HIF1A: variants seen among roughly 807,000 people sequenced by gnomAD.
The protein encoded by HIF1A is hypoxia-inducible factor 1-alpha.
Under a neutral mutation model 92.7 loss-of-function variants are expected in HIF1A, and 24 were observed. The observed-to-expected ratio is 0.26, with a 90% CI of 0.19 to 0.36. HIF1A has a LOEUF of 0.36. Among genes scored for constraint, HIF1A ranks in the 10% least tolerant of loss-of-function variants. The probability of loss-of-function intolerance (pLI) is 1.00; values close to 1 mark genes in which losing one functional copy is unlikely to be tolerated. For missense variants in HIF1A, 799 were observed against 998.5 expected (o/e 0.80, Z 2.69); for synonymous variants, 319 against 338.7 (o/e 0.94, Z 0.64).
chr14:61,744,852 T>G (rs955546174), intron 13 of HIF1A, 39 bp downstream of exon 13: 6 of 852,308 alleles, frequency 7.0e-6, no homozygotes, highest in African/African-American at 2.0e-5. Flanking sequence ...CTAGCTAATG[T>G]GCTATTTCGT....
At chr14:61,697,963 A>T in intron 1 of HIF1A, 3 of 1,446,780 alleles carry the variant, frequency 2.1e-6, no homozygotes, top group South Asian at 2.6e-5. Context: ...GGGTATGGTT[A>T]TGATACTGTA....
In HIF1A at chr14:61,734,259, C is replaced by T. The variant is rs756991608; in HGVS notation, c.1002C>T (p.Cys334=). Residue 334 remains cysteine, a synonymous_variant, in exon 8 of 15, where the codon TGC becomes TGT. Coordinates refer to ENST00000337138, the MANE Select transcript of HIF1A (RefSeq NM_001530.4). ...IYNTKNSQPQ[C]IVCVNYVVSG... ...ACACCAAGAATTCTCAACCACAGTG[C>T]ATTGTATGTGTGAATTACGTTGTGA... 1 of 1,611,906 alleles carries T rather than the reference C, an allele frequency of 6.2e-7. No homozygotes were observed. The highest frequency in any genetic ancestry group is 1.1e-5 in the South Asian group (1 of 90,638).
chr14:61,728,175 C>T (rs1017716527), intron 6 of HIF1A, among the ~76,000 whole-genome samples: 1 of 152,198 alleles, frequency 6.6e-6, no homozygotes, highest in East Asian at 1.9e-4. Context: ...TTACTAGGTG[C>T]TATCCAGAAG....
Position 61,745,769 on chromosome 14 carries a change from A to G in HIF1A, c.2281A>G (p.Ser761Gly), listed in dbSNP as rs2044774078. ...GAAACGTGTAAAAGGATGCAAATCT[A>G]GTGAACAGAATGGAATGGAGCAAAA... The part of the protein sequence containing the change: ...SWKRVKGCKS[S>G]EQNGMEQKTI... The change falls in exon 14 of 15, where the codon AGT (serine) becomes GGT (glycine). Residue 761 changes from serine to glycine, a missense_variant. This residue lies in a region of HIF1A where 283 missense variants were observed against 277.5 expected (regional missense o/e 1.02). Transcript: ENST00000337138. The G allele has an allele frequency of 6.2e-7, 1 of 1,612,312 alleles. No homozygotes were observed. The highest frequency in any genetic ancestry group is 1.1e-5 in the South Asian group (1 of 91,048).
intron 1 of HIF1A, among the ~76,000 whole-genome samples, chr14:61,696,096 C>T (rs2140112385): frequency 6.6e-6 from 1 of 152,282 alleles, no homozygotes; most frequent in Admixed American, 6.5e-5. Flanking sequence ...CCTGCTTGCC[C>T]TCCCCGCCGG....
intron 4 of HIF1A, among the ~76,000 whole-genome samples, chr14:61,723,066 A>G (rs1450453031): frequency 6.6e-6 from 1 of 152,250 alleles, no homozygotes; most frequent in Non-Finnish European, 1.5e-5. Flanking sequence ...AAGTTACCAC[A>G]AGGAAAATTT....
At chr14:61,742,430 A>G (rs569774589) in intron 12 of HIF1A, among the ~76,000 whole-genome samples, 1 of 152,102 alleles carries the variant, frequency 6.6e-6, no homozygotes, top group Non-Finnish European at 1.5e-5. Context: ...TGGAAAAGAC[A>G]TTGGGGCTTT....
At chr14:61,705,939 C>T (rs2044235250) in intron 1 of HIF1A, among the ~76,000 whole-genome samples, 1 of 152,088 alleles carries the variant, frequency 6.6e-6, no homozygotes, top group Non-Finnish European at 1.5e-5. Context: ...CTATTGTACA[C>T]CCTTATTTCA....
intron 1 of HIF1A, 133 bp downstream of exon 1, chr14:61,695,972 C>A: frequency 1.3e-6 from 1 of 778,186 alleles, no homozygotes; most frequent in Non-Finnish European, 2.0e-6. Context: ...TGCTGCTCCC[C>A]TCCCCTCTCT....
intron 1 of HIF1A, among the ~76,000 whole-genome samples, chr14:61,696,682 G>T (rs2044120975): frequency 6.6e-6 from 1 of 152,166 alleles, no homozygotes; most frequent in Non-Finnish European, 1.5e-5. Flanking sequence ...TAATGAAAAT[G>T]TAGGGGCTGG....
chr14:61,697,985 G>T, intron 1 of HIF1A: 1 of 1,285,292 alleles, frequency 7.8e-7, no homozygotes, highest in South Asian at 1.5e-5. Context: ...ATTTAACGCA[G>T]GACATTTCAT....
chr14:61,699,005 C>A (rs1280563527), intron 1 of HIF1A: 1 of 152,128 alleles, frequency 6.6e-6, no homozygotes, highest in African/African-American at 2.4e-5. Flanking sequence ...TAAAAATTAA[C>A]CTTTGTAAAA....
chr14:61,708,931 CTT>C (rs1490722954), intron 1 of HIF1A, among the ~76,000 whole-genome samples: 2 of 151,926 alleles, frequency 1.3e-5, no homozygotes, highest in Non-Finnish European at 2.9e-5. Context: ...GAGTTTTGCT[CTT>C]GTTGCCCAGG....
intron 1 of HIF1A, among the ~76,000 whole-genome samples, chr14:61,713,310 A>G (rs1344105804): frequency 7.2e-5 from 11 of 152,374 alleles, no homozygotes; most frequent in African/African-American, 2.4e-4. Flanking sequence ...ATTAAAGCAG[A>G]GTAACAGTGG....
At chr14:61,707,460 C>T (rs1209169566) in intron 1 of HIF1A, among the ~76,000 whole-genome samples, 1 of 152,074 alleles carries the variant, frequency 6.6e-6, no homozygotes, top group Non-Finnish European at 1.5e-5. Flanking sequence ...TCCCCGCTCC[C>T]CCCACCCCAC....
At chr14:61,707,993 G>A (rs551992861) in intron 1 of HIF1A, among the ~76,000 whole-genome samples, 11 of 151,512 alleles carry the variant, frequency 7.3e-5, no homozygotes, top group East Asian at 5.8e-4. Flanking sequence ...TTTAATGATC[G>A]CCATTCTAAC....
chr14:61,737,536 G>A (rs749157556), intron 9 of HIF1A, among the ~76,000 whole-genome samples: 5 of 152,192 alleles, frequency 3.3e-5, no homozygotes, highest in Non-Finnish European at 2.9e-5. Context: ...GTATAAAAAG[G>A]TTGGTATTGC....
chr14:61,697,734 C>T, intron 1 of HIF1A: 3 of 1,322,984 alleles, frequency 2.3e-6, no homozygotes, highest in Non-Finnish European at 2.9e-6. Context: ...TTACTCAGCA[C>T]TTTTAGATGC....
intron 1 of HIF1A, among the ~76,000 whole-genome samples, chr14:61,705,617 G>A (rs375248572): frequency 2.6e-5 from 4 of 152,204 alleles, no homozygotes; most frequent in African/African-American, 9.6e-5. Flanking sequence ...CATCTGATTT[G>A]TGGAAAGGCA....
Sources: gnomAD v4.1 joint callset for allele counts (sites outside exome capture counted in the v4.1 genomes callset) on GRCh38, gnomAD v4.1.1 for gene constraint, gnomAD v4.1.1 regional missense constraint, MANE v1.5 for transcripts, NCBI Gene and HGNC (gene_info 2026-07-23, HGNC 2026-07-21) for gene names.